The following RP1L1 variants were observed in gnomAD, a reference collection of about 807,000 sequenced individuals.
RP1L1 encodes the protein RP1 like 1, also known as retinitis pigmentosa 1-like 1 protein.
A neutral mutation model predicts 15.7 loss-of-function variants in RP1L1; 27 were observed. The observed-to-expected ratio is 1.72, with a 90% CI of 1.27 to 2.38. The LOEUF (loss-of-function observed/expected upper bound fraction) is 2.38. RP1L1 is among the 30% of genes most tolerant of loss of function. The probability of loss-of-function intolerance (pLI) is 0.00; values close to 1 mark genes in which losing one functional copy is unlikely to be tolerated. For synonymous variants in RP1L1, 1,813 were observed against 1,276.7 expected (o/e 1.42, Z -8.96); for missense variants, 4,798 against 3,075.9 (o/e 1.56, Z -13.24).
chr8:10,624,100 C>T (rs865841952), intron 1 of RP1L1, among the ~76,000 whole-genome samples: 3 of 152,200 alleles, frequency 2.0e-5, no homozygotes, highest in South Asian at 2.1e-4. Flanking sequence ...AAATTGCAAA[C>T]GTGGAAGGTT....
At chr8:10,652,850 G>A (rs1798582746) in intron 1 of RP1L1, among the ~76,000 whole-genome samples, 1 of 152,116 alleles carries the variant, frequency 6.6e-6, no homozygotes, top group African/African-American at 2.4e-5. Context: ...CTATCACAGT[G>A]CCTAGTGGAG....
intron 1 of RP1L1, among the ~76,000 whole-genome samples, chr8:10,637,053 G>A (rs1798340153): frequency 6.6e-6 from 1 of 152,242 alleles, no homozygotes; most frequent in African/African-American, 2.4e-5. Context: ...GGGCCTTGCA[G>A]TAGGCTGGTG....
intron 1 of RP1L1, among the ~76,000 whole-genome samples, chr8:10,625,086 C>A (rs190897224): frequency 2.0e-5 from 3 of 152,206 alleles, no homozygotes; most frequent in Non-Finnish European, 2.9e-5. Flanking sequence ...TGAGGGTGAA[C>A]AATCAGCTGA....
Position 10,609,740 on chromosome 8 carries a change from G to T in RP1L1, c.4358C>A (p.Pro1453His). The change falls in exon 4 of 4, where the codon CCC (proline) becomes CAC (histidine). Residue 1453 changes from proline to histidine, a missense_variant. By Grantham distance (77) the Pro-to-His change is moderately conservative. Coordinates refer to ENST00000382483, the MANE Select transcript of RP1L1 (RefSeq NM_178857.6). ...PAEGTEEPTE[P>H]PSHLSETDPS... ...GTCCGTCTCGCTGAGATGACTAGGG[G>T]GCTCTGTGGGTTCCTCTGTGCCCTC... 6.2e-7 allele frequency: 1 copy of T among 1,613,470 alleles called. No individual in the cohort carries two copies. Among genetic ancestry groups the T allele is most frequent in the Non-Finnish European group, 8.5e-7 (1 of 1,179,694 alleles).
chr8:10,607,644 C>G lies in RP1L1; in HGVS notation c.6454G>C (p.Asp2152His), dbSNP rs1554450503. 2 of 1,589,290 alleles carry G rather than the reference C, an allele frequency of 1.3e-6. No individual in the cohort carries two copies. The highest frequency in any genetic ancestry group is 8.6e-7 in the Non-Finnish European group (1 of 1,165,246). The change falls in exon 4 of 4, where the codon GAT (aspartate) becomes CAT (histidine). Residue 2152 changes from aspartate to histidine, a missense_variant. Physicochemically the swap from Asp to His is moderately conservative, Grantham distance 81. Transcript: ENST00000382483. ...QPESEGVEAQ[D>H]AEGEAQPESE... ...TCTGGCTGGGCCTCCCCTTCTGCAT[C>G]CTGGGCCTCTACACCTTCTGACTCA...
In RP1L1 at chr8:10,622,851, G is replaced by A. The variant is rs367964647; in HGVS notation, c.351C>T (p.Gly117=). The A allele has an allele frequency of 7.4e-5, 120 of 1,612,820 alleles. No homozygotes were observed. The highest frequency in any genetic ancestry group is 2.2e-4 in the East Asian group (10 of 44,846). The change falls in exon 2 of 4, where the codon GGC becomes GGT. Residue 117 remains glycine (G), a synonymous_variant. Coordinates refer to ENST00000382483, the MANE Select transcript of RP1L1 (RefSeq NM_178857.6). The part of the protein sequence containing the change: ...KKPPKTPSGP[G]RPQERNPTAQ... ...CAGTGGGGTTTCTCTCCTGTGGCCG[G>A]CCTGGTCCACTGGGGGTCTTGGGGG...
rs2117200835 is a variant in RP1L1, at chr8:10,610,915, G to T, written c.3183C>A (p.Asp1061Glu). 1 of 1,610,958 alleles carries T rather than the reference G, an allele frequency of 6.2e-7. No homozygotes were observed. Among genetic ancestry groups the T allele is most frequent in the East Asian group, 2.2e-5 (1 of 44,796 alleles). ...CCCTGCAGCCTGCTGGGGCCTCTCT[G>T]TCTGCTCCGGCCTCTGCAGGGGCCT... ...VSEAPAEAGADREAPAGCRVS... is the reference protein window; with the variant it reads ...VSEAPAEAGAEREAPAGCRVS... The change falls in exon 4 of 4, where the codon GAC (aspartate) becomes GAA (glutamate). Residue 1061 changes from aspartate to glutamate, a missense_variant. Physicochemically the swap from Asp to Glu is conservative, Grantham distance 45. Coordinates refer to ENST00000382483, the MANE Select transcript of RP1L1 (RefSeq NM_178857.6).
intron 1 of RP1L1, among the ~76,000 whole-genome samples, chr8:10,640,991 A>G (rs907279899): frequency 6.6e-6 from 1 of 152,178 alleles, no homozygotes; most frequent in Admixed American, 6.5e-5. Context: ...GGCAGGTTGC[A>G]AACTCTTAAG....
At position 10,610,318 on chromosome 8, in the gene RP1L1, G is replaced by A; in HGVS notation, c.3780C>T (p.Thr1260=). 1 of 1,614,206 alleles carries A rather than the reference G, an allele frequency of 6.2e-7. No homozygotes were observed. Among genetic ancestry groups the A allele is most frequent in the Non-Finnish European group, 8.5e-7 (1 of 1,180,042 alleles). Residue 1260 remains threonine, a synonymous_variant, in exon 4 of 4, where the codon ACC becomes ACT. Transcript: ENST00000382483. ...LENQQQCCFP[T]FLNARACACA... ...AAGCGCAGGCTCGGGCGTTCAAGAA[G>A]GTTGGGAAACAACACTGCTGTTGGT... is the stretch of plus-strand genomic sequence containing the variant.
chr8:10,618,548 C>A (rs944065170), intron 2 of RP1L1, among the ~76,000 whole-genome samples: 2 of 151,858 alleles, frequency 1.3e-5, no homozygotes, highest in African/African-American at 4.8e-5. Flanking sequence ...AAAAATTAGC[C>A]AGGCATAGTG....
intron 2 of RP1L1, 65 bp downstream of exon 2, chr8:10,622,528 T>C (rs1798076864): frequency 6.2e-7 from 1 of 1,603,562 alleles, no homozygotes; most frequent in Non-Finnish European, 8.5e-7. Context: ...CTCTCTTCCA[T>C]GTGAGTATTT....
In RP1L1 at chr8:10,623,936, C is replaced by T. The variant is rs1173354094; in HGVS notation, c.-19-716G>A. 4.0e-5 allele frequency among the ~76,000 whole-genome samples: 6 copies of T among 150,666 alleles called. No homozygotes were observed. The South Asian group carries it at 1.3e-3, about 32-fold the overall frequency. On this transcript the variant is annotated intron_variant, in intron 1 of 3. Transcript: ENST00000382483. The stretch of plus-strand genomic sequence containing the variant: ...TCACCATGTCCCAGAACCACTGTGT[C>T]CCCAGCACCTCCACATCCCTGGCAT...
In RP1L1 at chr8:10,613,307, G is replaced by A. The variant is rs900593447; in HGVS notation, c.791C>T (p.Ser264Leu). Residue 264 changes from serine (S) to leucine (L), a missense_variant, in exon 4 of 4, where the codon TCG (serine) becomes TTG (leucine). By Grantham distance (145) the Ser-to-Leu change is moderately radical. Transcript: ENST00000382483. ...GPKTKPSVIH[S>L]RSPPGSTPRL... ...TGGCGTGCTGCCTGGCGGAGACCGCGAATGGATCACACTCGGCTTGGTCTT... is the reference window on the plus strand; with the variant it reads ...TGGCGTGCTGCCTGGCGGAGACCGCAAATGGATCACACTCGGCTTGGTCTT... 1.2e-5 allele frequency: 19 copies of A among 1,602,208 alleles called. No individual in the cohort carries two copies. The highest frequency in any genetic ancestry group is 1.6e-4 in the Middle Eastern group (1 of 6,082).
At chr8:10,626,826 G>A (rs1798166215) in intron 1 of RP1L1, among the ~76,000 whole-genome samples, 1 of 152,186 alleles carries the variant, frequency 6.6e-6, no homozygotes, top group Non-Finnish European at 1.5e-5. Context: ...ACGTCATCAA[G>A]TGTGATTTCG....
At chr8:10,648,655 C>T (rs1474831834) in intron 1 of RP1L1, among the ~76,000 whole-genome samples, 1 of 152,202 alleles carries the variant, frequency 6.6e-6, no homozygotes, top group Non-Finnish European at 1.5e-5. Flanking sequence ...CACGTCTTTG[C>T]CAGTAAAATG....
intron 2 of RP1L1, among the ~76,000 whole-genome samples, chr8:10,618,070 T>C (rs1050664281): frequency 1.3e-5 from 2 of 152,228 alleles, no homozygotes; most frequent in Non-Finnish European, 2.9e-5. Flanking sequence ...TGTATTTCCA[T>C]CTTTAAAGCA....
Position 10,611,962 on chromosome 8 carries a change from C to T in RP1L1, c.2136G>A (p.Arg712=). The change falls in exon 4 of 4, where the codon AGG becomes AGA. Residue 712 remains arginine, a synonymous_variant. Transcript: ENST00000382483. ...GTCTCAGGTTCCCAGAGGCCTGTGT[C>T]CTGGTGCTCGATGAGCTTCCAGAAT... ...PRYSGSSSST[R]TQASGNLRPP... The T allele has an allele frequency of 6.2e-7, 1 of 1,613,872 alleles. No individual in the cohort carries two copies. Among genetic ancestry groups the T allele is most frequent in the South Asian group, 1.1e-5 (1 of 91,086 alleles).
intron 1 of RP1L1, among the ~76,000 whole-genome samples, chr8:10,637,646 T>C (rs1209133588): frequency 6.6e-6 from 1 of 152,176 alleles, no homozygotes; most frequent in Non-Finnish European, 1.5e-5. Context: ...ATCTACTTGA[T>C]ATATGCTGGA....
chr8:10,629,964 A>G (rs1383584858), intron 1 of RP1L1, among the ~76,000 whole-genome samples: 2 of 152,186 alleles, frequency 1.3e-5, no homozygotes, highest in South Asian at 4.1e-4. Context: ...AAGGTGGCTC[A>G]GGGAGTCAAA....
Sources: gnomAD v4.1 joint callset for allele counts (sites outside exome capture counted in the v4.1 genomes callset) on GRCh38, gnomAD v4.1.1 for gene constraint, MANE v1.5 for transcripts, NCBI Gene and HGNC (gene_info 2026-07-23, HGNC 2026-07-21) for gene names.